Variants in CAST observed in about 807,000 individuals in gnomAD.
CAST encodes the protein MIR583 host.
Under a neutral mutation model 119.6 loss-of-function variants are expected in CAST, and 76 were observed. The observed-to-expected ratio is 0.64, with a 90% CI of 0.53 to 0.77. The LOEUF is 0.77. Ranked by LOEUF, CAST falls within the 30% of genes least tolerant of loss-of-function variation. CAST has a pLI of 0.00. For missense variants in CAST, 953 were observed against 946.5 expected (o/e 1.01, Z -0.09); for synonymous variants, 319 against 331.6 (o/e 0.96, Z 0.41).
chr5:95,983,911 T>A, the CAST span, among the ~76,000 whole-genome samples: 1 of 152,186 alleles, frequency 6.6e-6, no homozygotes, highest in African/African-American at 2.4e-5. Context: ...TTCAGCAGAT[T>A]TTGTCTTGCA....
chr5:96,605,725 A>C (rs1406874260), intron 1 of CAST, among the ~76,000 whole-genome samples: 1 of 152,236 alleles, frequency 6.6e-6, no homozygotes, highest in East Asian at 1.9e-4. Context: ...TAGAAACATA[A>C]CTATCTTATT....
At chr5:96,390,629 G>A in the CAST span, 2 of 152,294 alleles carry the variant, frequency 1.3e-5, no homozygotes, top group African/African-American at 4.8e-5. Context: ...GAAAACTTTT[G>A]GTTCTTTAAT....
the CAST span, among the ~76,000 whole-genome samples, chr5:96,374,851 G>C: frequency 6.6e-6 from 1 of 152,146 alleles, no homozygotes; most frequent in African/African-American, 2.4e-5. Context: ...GGGTTGTGGC[G>C]CTGGAGTTTC....
chr5:96,150,215 T>A, the CAST span, among the ~76,000 whole-genome samples: 5 of 152,218 alleles, frequency 3.3e-5, no homozygotes, highest in Admixed American at 6.5e-5. Context: ...GCAGTAGGTG[T>A]CAAGTCCCTT....
the CAST span, among the ~76,000 whole-genome samples, chr5:96,399,360 T>C: frequency 6.6e-6 from 1 of 152,192 alleles, no homozygotes; most frequent in African/African-American, 2.4e-5. Context: ...AAGCCTCCCA[T>C]CCTTGGATAT....
the CAST span, among the ~76,000 whole-genome samples, chr5:96,151,569 G>A: frequency 6.6e-6 from 1 of 152,154 alleles, no homozygotes; most frequent in African/African-American, 2.4e-5. Context: ...AGGGCAGCAA[G>A]GATTACCTCT....
At chr5:96,014,231 A>C in the CAST span, among the ~76,000 whole-genome samples, 1 of 151,462 alleles carries the variant, frequency 6.6e-6, no homozygotes, top group African/African-American at 2.4e-5. Context: ...CGGGGTCAGG[A>C]TCATCAATAT....
the CAST span, among the ~76,000 whole-genome samples, chr5:96,326,129 A>C: frequency 1.3e-5 from 2 of 152,160 alleles, no homozygotes; most frequent in Non-Finnish European, 2.9e-5. Flanking sequence ...GTCTCATCTA[A>C]TCAGTCATTA....
the CAST span, among the ~76,000 whole-genome samples, chr5:96,495,104 G>A: frequency 1.5e-5 from 2 of 136,332 alleles, no homozygotes; most frequent in Admixed American, 7.5e-5. Context: ...CAGCCTGGGC[G>A]TCAGAGCGAG....
At chr5:96,057,164 C>T in the CAST span, among the ~76,000 whole-genome samples, 6 of 152,176 alleles carry the variant, frequency 3.9e-5, no homozygotes, top group Non-Finnish European at 5.9e-5. Flanking sequence ...ATTTGGCAAC[C>T]TGTGGTTGAC....
the CAST span, among the ~76,000 whole-genome samples, chr5:96,142,830 A>G: frequency 6.6e-6 from 1 of 152,228 alleles, no homozygotes. Context: ...AATAAAGCAC[A>G]TCTGAAACAC....
the CAST span, among the ~76,000 whole-genome samples, chr5:96,349,680 G>A: frequency 1.5e-4 from 23 of 152,116 alleles, no homozygotes; most frequent in Admixed American, 3.9e-4. Context: ...GGAAAATAAA[G>A]ACTAAAAAGT....
chr5:96,056,303 C>CA, the CAST span, among the ~76,000 whole-genome samples: 1 of 152,196 alleles, frequency 6.6e-6, no homozygotes, highest in South Asian at 2.1e-4. Context: ...TGTACAGCCA[C>CA]AAAAAAGATT....
At chr5:96,739,578 G>A (rs548789584) in intron 11 of CAST, among the ~76,000 whole-genome samples, 2 of 152,304 alleles carry the variant, frequency 1.3e-5, no homozygotes, top group Admixed American at 1.3e-4. Context: ...ATATGCTAAA[G>A]TTCAGAATGG....
the CAST span, among the ~76,000 whole-genome samples, chr5:96,512,013 T>G: frequency 6.6e-6 from 1 of 152,248 alleles, no homozygotes; most frequent in Non-Finnish European, 1.5e-5. Context: ...GTTCATTGTC[T>G]GTTTTCCTCA....
the CAST span, among the ~76,000 whole-genome samples, chr5:96,319,599 C>T: frequency 6.6e-6 from 1 of 152,180 alleles, no homozygotes; most frequent in African/African-American, 2.4e-5. Context: ...CTGTGTATCA[C>T]AGTCACAATA....
intron 2 of CAST, among the ~76,000 whole-genome samples, chr5:96,676,735 A>C (rs1166847090): frequency 6.6e-6 from 1 of 151,758 alleles, no homozygotes; most frequent in African/African-American, 2.4e-5. Context: ...AAAACCACAA[A>C]TTTTTCTTTT....
chr5:96,682,594 T>C (rs1377252150), intron 2 of CAST, among the ~76,000 whole-genome samples: 1 of 152,158 alleles, frequency 6.6e-6, no homozygotes, highest in Non-Finnish European at 1.5e-5. Flanking sequence ...TTCTCTGTGG[T>C]GGTTTTGAGA....
the CAST span, among the ~76,000 whole-genome samples, chr5:96,102,355 C>T: frequency 2.0e-5 from 3 of 152,122 alleles, no homozygotes; most frequent in Non-Finnish European, 4.4e-5. Flanking sequence ...AAGTTAAGCC[C>T]TCTCTCCTCC....
Sources: gnomAD v4.1 joint callset for allele counts (sites outside exome capture counted in the v4.1 genomes callset) on GRCh38, gnomAD v4.1.1 for gene constraint, MANE v1.5 for transcripts, NCBI Gene and HGNC (gene_info 2026-07-23, HGNC 2026-07-21) for gene names.